Variants in STX8 observed in about 807,000 individuals in gnomAD.
STX8 encodes the protein syntaxin 8, also known as syntaxin-8.
A neutral mutation model predicts 37.5 loss-of-function variants in STX8; 23 were observed. That is an observed-to-expected ratio of 0.61 (90% CI 0.44 to 0.87). STX8 has a LOEUF of 0.87. Among genes scored for constraint, STX8 ranks in the 40% least tolerant of loss-of-function variants. The probability of loss-of-function intolerance (pLI) is 0.00; values close to 1 mark genes in which losing one functional copy is unlikely to be tolerated. For missense variants in STX8, 313 were observed against 284.7 expected, an observed-to-expected ratio of 1.10 and a Z score of -0.71; for synonymous variants, 115 against 99.1, an observed-to-expected ratio of 1.16 and a Z score of -0.95.
chr17:9,262,642 C>A (rs527954413), intron 7 of STX8, among the ~76,000 whole-genome samples: 6 of 151,560 alleles, frequency 4.0e-5, no homozygotes, highest in African/African-American at 1.5e-4. Context: ...AGTGCAGTGG[C>A]GAGATCTCGG....
intron 6 of STX8, chr17:9,452,362 C>T (rs1054020712): frequency 3.5e-5 from 4 of 114,026 alleles, no homozygotes; most frequent in Non-Finnish European, 6.9e-5. Context: ...AATTAGTTAC[C>T]AAAAATAGAA....
chr17:9,480,114 T>C, intron 6 of STX8, among the ~76,000 whole-genome samples: 1 of 152,220 alleles, frequency 6.6e-6, no homozygotes, highest in East Asian at 1.9e-4. Flanking sequence ...GGTCCCTGTG[T>C]TATCACCGTC....
intron 4 of STX8, among the ~76,000 whole-genome samples, chr17:9,506,407 TCCCCCCC>T (rs57490676): frequency 2.5e-5 from 1 of 39,332 alleles, no homozygotes; most frequent in African/African-American, 8.7e-5. Context: ...GCTCACCCGC[TCCCCCCC>T]CCCCCCACCC....
At chr17:9,335,841 A>ACACACACG (rs1413345372) in intron 7 of STX8, among the ~76,000 whole-genome samples, 2 of 149,066 alleles carry the variant, frequency 1.3e-5, no homozygotes. Flanking sequence ...AGACACACAC[A>ACACACACG]CACACACTCA....
intron 4 of STX8, among the ~76,000 whole-genome samples, chr17:9,537,596 CAT>C (rs759512825): frequency 6.8e-4 from 104 of 152,318 alleles, no homozygotes; most frequent in Non-Finnish European, 1.1e-3. Flanking sequence ...TGTCAACAAA[CAT>C]GTGCTGAATC....
intron 4 of STX8, among the ~76,000 whole-genome samples, chr17:9,514,928 T>C (rs886379150): frequency 2.0e-5 from 3 of 152,154 alleles, no homozygotes; most frequent in Admixed American, 6.5e-5. Flanking sequence ...TAATAGCATA[T>C]CACCTACTGG....
intron 7 of STX8, 69 bp from the exon 8 acceptor site, chr17:9,250,714 G>T: frequency 7.0e-7 from 1 of 1,424,594 alleles, no homozygotes; most frequent in Non-Finnish European, 9.7e-7. Flanking sequence ...CATTCTGAGT[G>T]TCTGCAGAGA....
intron 6 of STX8, among the ~76,000 whole-genome samples, chr17:9,410,943 A>G (rs560016625): frequency 1.3e-5 from 2 of 152,334 alleles, no homozygotes; most frequent in African/African-American, 2.4e-5. Context: ...GCAATCAACA[A>G]ACATTTACAA....
intron 7 of STX8, among the ~76,000 whole-genome samples, chr17:9,309,514 C>CT (rs1048728036): frequency 6.6e-6 from 1 of 152,116 alleles, no homozygotes; most frequent in Admixed American, 6.6e-5. Context: ...ACTCGGAGGC[C>CT]TTATGAAATG....
intron 3 of STX8, chr17:9,547,571 T>G (rs1408755949): frequency 7.4e-6 from 1 of 134,576 alleles, no homozygotes; most frequent in Non-Finnish European, 1.5e-5. Context: ...GAGGTTGCAG[T>G]GAGCCGAGAC....
At chr17:9,440,139 T>C (rs1162301814) in intron 6 of STX8, among the ~76,000 whole-genome samples, 1 of 152,128 alleles carries the variant, frequency 6.6e-6, no homozygotes, top group Non-Finnish European at 1.5e-5. Flanking sequence ...AAAGAAGAGT[T>C]GACAATTATT....
At chr17:9,309,714 G>GA (rs1172735814) in intron 7 of STX8, among the ~76,000 whole-genome samples, 2 of 152,052 alleles carry the variant, frequency 1.3e-5, no homozygotes, top group Non-Finnish European at 2.9e-5. Flanking sequence ...CATCATATAC[G>GA]AAGCAAATTA....
At chr17:9,340,865 T>C (rs8070671) in intron 7 of STX8, among the ~76,000 whole-genome samples, 58,810 of 149,576 alleles carry the variant, frequency 0.39, 11,748 homozygotes, top group Middle Eastern at 0.43. Context: ...CCATGTTGGT[T>C]AGGCTGGTCT....
At chr17:9,462,906 T>C (rs530955209) in intron 6 of STX8, among the ~76,000 whole-genome samples, 5 of 152,184 alleles carry the variant, frequency 3.3e-5, no homozygotes, top group Admixed American at 2.6e-4. Context: ...ACTAAAGAAA[T>C]GGACTGGCCA....
intron 7 of STX8, among the ~76,000 whole-genome samples, chr17:9,304,075 T>C (rs912531360): frequency 6.6e-6 from 1 of 151,608 alleles, no homozygotes; most frequent in Non-Finnish European, 1.5e-5. Context: ...TTATAAAAAG[T>C]CTCTCAACTT....
At chr17:9,274,744 C>CTT (rs201550065) in intron 7 of STX8, among the ~76,000 whole-genome samples, 1,473 of 88,854 alleles carry the variant, frequency 0.017, 356 homozygotes, top group Middle Eastern at 0.026. Flanking sequence ...ACAACAATTT[C>CTT]TTTTTTCTTT....
At chr17:9,339,774 A>C (rs1321488354) in intron 7 of STX8, among the ~76,000 whole-genome samples, 1 of 152,176 alleles carries the variant, frequency 6.6e-6, no homozygotes, top group Non-Finnish European at 1.5e-5. Context: ...TCACATATAT[A>C]AGACAGACAA....
At chr17:9,347,043 C>T (rs868730779) in intron 7 of STX8, among the ~76,000 whole-genome samples, 1 of 151,864 alleles carries the variant, frequency 6.6e-6, no homozygotes, top group African/African-American at 2.4e-5. Flanking sequence ...AGGAGAATCG[C>T]TTAAACCCAG....
At chr17:9,371,685 C>T (rs1911406363) in intron 7 of STX8, among the ~76,000 whole-genome samples, 1 of 148,412 alleles carries the variant, frequency 6.7e-6, no homozygotes, top group Admixed American at 6.7e-5. Context: ...ATTCTTTCTT[C>T]TGCTGATACC....
Sources: gnomAD v4.1 joint callset for allele counts (sites outside exome capture counted in the v4.1 genomes callset) on GRCh38, gnomAD v4.1.1 for gene constraint, MANE v1.5 for transcripts, NCBI Gene and HGNC (gene_info 2026-07-23, HGNC 2026-07-21) for gene names.